DLG2: variants seen among roughly 807,000 people sequenced by gnomAD.
DLG2 encodes the protein discs large MAGUK scaffold protein 2.
Under a neutral mutation model 132.5 loss-of-function variants are expected in DLG2, and 45 were observed. The ratio of observed to expected loss-of-function variants is 0.34; its 90% confidence interval spans 0.27 to 0.44. DLG2 has a LOEUF of 0.44. Among genes scored for constraint, DLG2 ranks in the 20% least tolerant of loss-of-function variants. The probability of loss-of-function intolerance (pLI) is 1.00; values close to 1 mark genes in which losing one functional copy is unlikely to be tolerated. For synonymous variants in DLG2, 424 were observed against 419.6 expected (o/e 1.01, Z -0.13); for missense variants, 1,045 against 1,196.9 (o/e 0.87, Z 1.87).
rs547428076 is a variant in DLG2 at position 85,000,686 on chromosome 11, T to C, written c.357+110975A>G. Reference sequence around the variant, plus strand: ...TGTCTGCTTCAGAATTAGCTTCAGGTTAATTTGAAGATTTTTAACTTTCTT... The same window carrying C: ...TGTCTGCTTCAGAATTAGCTTCAGGCTAATTTGAAGATTTTTAACTTTCTT... On this transcript the variant is annotated intron_variant, in intron 6 of 27. Transcript: ENST00000376104. Among the ~76,000 whole-genome samples, 142 of 152,248 alleles carry C rather than the reference T, an allele frequency of 9.3e-4. 1 individual carries two copies. Among genetic ancestry groups the C allele is most frequent in the Non-Finnish European group, 1.8e-3 (120 of 68,020 alleles).
intron 6 of DLG2, among the ~76,000 whole-genome samples, chr11:84,874,678 T>C (rs1245473374): frequency 6.6e-6 from 1 of 152,120 alleles, no homozygotes; most frequent in Non-Finnish European, 1.5e-5. Context: ...TGAGAGATGA[T>C]TCCTTGAATT....
At chr11:84,131,775 T>G (rs2094433429) in intron 9 of DLG2, among the ~76,000 whole-genome samples, 1 of 151,990 alleles carries the variant, frequency 6.6e-6, no homozygotes, top group Non-Finnish European at 1.5e-5. Context: ...TTTTCTAAAC[T>G]TAAAGTCACC....
At chr11:85,089,494 G>A (rs1192725455) in intron 6 of DLG2, among the ~76,000 whole-genome samples, 1 of 152,140 alleles carries the variant, frequency 6.6e-6, no homozygotes, top group Non-Finnish European at 1.5e-5. Flanking sequence ...AGTATTCCAT[G>A]CTATATGTAC....
intron 6 of DLG2, among the ~76,000 whole-genome samples, chr11:84,743,870 G>A (rs1268015501): frequency 2.6e-5 from 4 of 151,964 alleles, no homozygotes; most frequent in Non-Finnish European, 4.4e-5. Flanking sequence ...GACTACAGGC[G>A]CCTGCCACTG....
intron 6 of DLG2, among the ~76,000 whole-genome samples, chr11:84,695,850 C>T (rs1048273573): frequency 6.6e-6 from 1 of 151,390 alleles, no homozygotes; most frequent in Non-Finnish European, 1.5e-5. Flanking sequence ...ACAAGATTGA[C>T]CTTACCCTTA....
chr11:83,657,829 C>T (rs1225220953), intron 18 of DLG2, among the ~76,000 whole-genome samples: 27 of 152,120 alleles, frequency 1.8e-4, no homozygotes, highest in Admixed American at 1.3e-4. Flanking sequence ...CGTGAGCCAC[C>T]GCGCCCAGCC....
rs1190582241 is a variant in DLG2 at position 83,541,670 on chromosome 11, A to T, written c.2117+12T>A. ...TGACAAGCAAATATTCTAGTACAAA[A>T]GGCATTCTTACCTCCTTTTGCTGGG... On this transcript the variant is annotated intron_variant, in intron 20 of 27. Transcript: ENST00000376104. 1.3e-6 allele frequency: 2 copies of T among 1,588,290 alleles called. No homozygotes were observed. The highest frequency in any genetic ancestry group is 1.7e-6 in the Non-Finnish European group (2 of 1,167,860).
chr11:85,306,038 G>C (rs894611793), intron 3 of DLG2, among the ~76,000 whole-genome samples: 2 of 152,164 alleles, frequency 1.3e-5, no homozygotes, highest in Non-Finnish European at 2.9e-5. Context: ...TGTAACTGTG[G>C]ACAAGTTACT....
chr11:84,420,650 C>CTTTTTT lies in DLG2; in HGVS notation c.519+113914_519+113919dup, dbSNP rs768420271. On this transcript the variant is annotated intron_variant, in intron 7 of 27. Coordinates refer to ENST00000376104, the MANE Select transcript of DLG2 (RefSeq NM_001142699.3). ...CAGCACAGTGACCAATGCTTGTTTTCTTTTTTTTTTTTTTTTTTTTTTTTT... is the reference window on the plus strand; with the variant it reads ...CAGCACAGTGACCAATGCTTGTTTTCTTTTTTTTTTTTTTTTTTTTTTTTTTTTTTT... 4.0e-3 allele frequency among the ~76,000 whole-genome samples: 170 copies of CTTTTTT among 42,228 alleles called. 65 individuals are homozygous for CTTTTTT. The highest frequency in any genetic ancestry group is 6.0e-3 in the Non-Finnish European group (126 of 21,012). The allele number at this position is 42,228 out of a possible 152,430, so 27.7% of individuals were successfully genotyped here. A position where few individuals can be genotyped will look rare whatever the true frequency, so the allele number is the denominator to read the frequency against.
chr11:84,642,955 T>G (rs1467959176), intron 6 of DLG2, among the ~76,000 whole-genome samples: 2 of 152,212 alleles, frequency 1.3e-5, no homozygotes, highest in African/African-American at 4.8e-5. Context: ...AAAATAATGC[T>G]ACAGTAATTT....
At chr11:83,797,155 G>A (rs1373189836) in intron 17 of DLG2, among the ~76,000 whole-genome samples, 2 of 152,036 alleles carry the variant, frequency 1.3e-5, no homozygotes, top group South Asian at 2.1e-4. Flanking sequence ...CTGAAGAACA[G>A]GAAGCAGTTG....
intron 3 of DLG2, among the ~76,000 whole-genome samples, chr11:85,339,099 A>G (rs912492104): frequency 1.3e-5 from 2 of 152,174 alleles, no homozygotes; most frequent in African/African-American, 4.8e-5. Flanking sequence ...TTACATAAAG[A>G]GTAGAATATT....
rs192313532 is a variant in DLG2 at position 85,402,078 on chromosome 11, C to T, written c.41-116713G>A. Among the ~76,000 whole-genome samples the T allele has an allele frequency of 3.0e-4, 46 of 152,252 alleles. 1 individual carries two copies. In the East Asian group the frequency reaches 8.1e-3, roughly 27 times the overall value. ...AACAAAGCTGGAGGCATCACGCTAC[C>T]TGACTTCAAACTATACTACAAGGCT... On this transcript the variant is annotated intron_variant, in intron 3 of 27. Transcript: ENST00000376104.
intron 4 of DLG2, among the ~76,000 whole-genome samples, chr11:85,251,521 T>C (rs901423120): frequency 6.6e-6 from 1 of 152,200 alleles, no homozygotes; most frequent in Non-Finnish European, 1.5e-5. Context: ...TTTTTCAAAT[T>C]TGATCATCTT....
At chr11:83,703,859 T>G (rs1397303786) in intron 18 of DLG2, among the ~76,000 whole-genome samples, 1 of 152,176 alleles carries the variant, frequency 6.6e-6, no homozygotes, top group Admixed American at 6.5e-5. Context: ...GTAAATAGGC[T>G]AAGTCAACAG....
intron 6 of DLG2, among the ~76,000 whole-genome samples, chr11:84,766,634 T>G (rs977574663): frequency 6.6e-6 from 1 of 152,064 alleles, no homozygotes; most frequent in South Asian, 2.1e-4. Context: ...TGTCTCACAT[T>G]CAGTTTCAAA....
intron 2 of DLG2, among the ~76,000 whole-genome samples, chr11:85,623,875 G>A (rs2081894472): frequency 6.6e-6 from 1 of 152,162 alleles, no homozygotes; most frequent in South Asian, 2.1e-4. Flanking sequence ...AAGAAGACTT[G>A]TTAAAACAGA....
intron 18 of DLG2, among the ~76,000 whole-genome samples, chr11:83,741,450 G>T (rs925372598): frequency 5.9e-5 from 9 of 152,136 alleles, no homozygotes; most frequent in African/African-American, 2.4e-5. Flanking sequence ...AATGACTTTA[G>T]TAAAGTTTCA....
At chr11:85,536,496 T>C (rs2075594008) in intron 3 of DLG2, among the ~76,000 whole-genome samples, 1 of 152,224 alleles carries the variant, frequency 6.6e-6, no homozygotes, top group Admixed American at 6.5e-5. Flanking sequence ...GGGGCCTCCT[T>C]GGCCTTGGCG....
Sources: gnomAD v4.1 joint callset for allele counts (sites outside exome capture counted in the v4.1 genomes callset) on GRCh38, gnomAD v4.1.1 for gene constraint, MANE v1.5 for transcripts, NCBI Gene and HGNC (gene_info 2026-07-23, HGNC 2026-07-21) for gene names.